RABGGTA: variants seen among roughly 807,000 people sequenced by gnomAD.
RABGGTA encodes geranylgeranyl transferase type-2 subunit alpha.
Under a neutral mutation model 83.3 loss-of-function variants are expected in RABGGTA, and 69 were observed. The observed-to-expected ratio is 0.83, with a 90% CI of 0.68 to 1.01. The LOEUF (loss-of-function observed/expected upper bound fraction) is 1.01. Ranked by LOEUF, RABGGTA falls within the 50% of genes least tolerant of loss-of-function variation. The pLI, the probability that RABGGTA is intolerant of heterozygous loss-of-function variation, is 0.00. For missense variants in RABGGTA, 681 were observed against 712.7 expected (o/e 0.96, Z 0.51); for synonymous variants, 310 against 299.8 (o/e 1.03, Z -0.35).
At position 24,271,173 on chromosome 14, in the gene RABGGTA, A is replaced by C; in HGVS notation, c.-54-4T>G. 1 of 1,497,502 alleles carries C rather than the reference A, an allele frequency of 6.7e-7. No individual in the cohort carries two copies. Among genetic ancestry groups the C allele is most frequent in the Non-Finnish European group, 8.9e-7 (1 of 1,123,082 alleles). 92.8% of individuals were successfully genotyped at this position (1,497,502 alleles called of 1,614,324 possible). A position where few individuals can be genotyped will look rare whatever the true frequency, so the allele number is the denominator to read the frequency against. ...GTCCAGTGGTAGCCCTTGAAGTCTG[A>C]GGAGAGAAGTGTCAATCACGTAGCC... On this transcript the variant is annotated splice_polypyrimidine_tract_variant and splice_region_variant and intron_variant, in intron 1 of 16. Coordinates refer to ENST00000216840, the MANE Select transcript of RABGGTA (RefSeq NM_182836.3).
At position 24,269,714 on chromosome 14, in the gene RABGGTA, G is replaced by A; in HGVS notation, c.428-20C>T. 2 of 1,611,668 alleles carry A rather than the reference G, an allele frequency of 1.2e-6. No homozygotes were observed. The highest frequency in any genetic ancestry group is 1.7e-6 in the Non-Finnish European group (2 of 1,178,110). On this transcript the variant is annotated intron_variant, in intron 5 of 16. Transcript: ENST00000216840. ...AGTGAACTGGAGGGGAGAGGTGACA[G>A]CATATCTTAGAGGCAGGGCAAGAGG... is the stretch of plus-strand genomic sequence containing the variant.
In RABGGTA at chr14:24,268,108, A is replaced by C. The variant is rs749349356; in HGVS notation, c.1147+2T>G. 6.2e-7 allele frequency: 1 copy of C among 1,613,696 alleles called. No individual in the cohort carries two copies. Among genetic ancestry groups the C allele is most frequent in the Non-Finnish European group, 8.5e-7 (1 of 1,179,814 alleles). ...GCAGACTCTCACGGAATGGGGCCTC[A>C]CATTTATTCTCAGGCTCCAGCTCCT... On this transcript the variant is annotated splice_donor_variant, in intron 12 of 16. Transcript: ENST00000216840. LOFTEE classifies it high-confidence loss of function.
In RABGGTA at chr14:24,267,733, C is replaced by T; in HGVS notation, c.1280G>A (p.Ser427Asn). 2 of 1,612,154 alleles carry T rather than the reference C, an allele frequency of 1.2e-6. No individual in the cohort carries two copies. The highest frequency in any genetic ancestry group is 1.1e-5 in the South Asian group (1 of 90,996). Residue 427 changes from serine (S) to asparagine (N), a missense_variant, in exon 14 of 17, where the codon AGC becomes AAC. Ser to Asn is a conservative substitution (Grantham distance 46, BLOSUM62 1). This residue lies in a region of RABGGTA where 421 missense variants were observed against 418.5 expected (regional missense o/e 1.01). Transcript: ENST00000216840. ...CACGCTATTCTCCAGCAAGAACTTG[C>T]TGCGCAGGTCATCCAGATACGTTGC... ...MRATYLDDLRSKFLLENSVLK... is the reference protein window; with the variant it reads ...MRATYLDDLRNKFLLENSVLK...
In RABGGTA at chr14:24,270,860, C is replaced by G; in HGVS notation, c.91G>C (p.Ala31Pro). 6.2e-7 allele frequency: 1 copy of G among 1,613,950 alleles called. No homozygotes were observed. Among genetic ancestry groups the G allele is most frequent in the Non-Finnish European group, 8.5e-7 (1 of 1,179,862 alleles). Residue 31 changes from alanine (A) to proline (P), a missense_variant, in exon 3 of 17, where the codon GCC becomes CCC. Coordinates refer to ENST00000216840, the MANE Select transcript of RABGGTA (RefSeq NM_182836.3). ...ACCTTCTGGAATACGGCCTGGGTGG[C>G]TGACTGGTATAGCTTCAGCTTCTGC... The part of the protein sequence containing the change: ...REQKLKLYQS[A>P]TQAVFQKRQA...
intron 10 of RABGGTA, 26 bp downstream of exon 10, chr14:24,268,487 AG>A (rs1205188610): frequency 1.2e-6 from 2 of 1,613,318 alleles, no homozygotes; most frequent in African/African-American, 2.7e-5. Flanking sequence ...GGCTGCTGCA[AG>A]GGGTGGAGGC....
At chr14:24,270,201 T>G (rs1169656494) in intron 4 of RABGGTA, 61 bp from the exon 5 acceptor site, 13 of 1,557,814 alleles carry the variant, frequency 8.3e-6, no homozygotes, top group Non-Finnish European at 1.1e-5. Flanking sequence ...AGCTCACCCC[T>G]CACTTTCTGC....
In RABGGTA at chr14:24,268,815, C is replaced by A; in HGVS notation, c.810G>T (p.Arg270Ser). The A allele has an allele frequency of 6.4e-7, 1 of 1,567,654 alleles. No homozygotes were observed. Among genetic ancestry groups the A allele is most frequent in the Non-Finnish European group, 8.6e-7 (1 of 1,156,234 alleles). The change falls in exon 9 of 17, where the codon AGG becomes AGT. Residue 270 changes from arginine to serine, a missense_variant. Transcript: ENST00000216840. The part of the protein sequence containing the change: ...SFSRPLLVGS[R>S]MEILLLMVDD... ...CAACCATGAGCAGCAAGATCTCCAT[C>A]CTGGAGCCCACCTGGCACAAAGGAC...
In RABGGTA at chr14:24,271,468, C is replaced by A. The variant is rs962658303; in HGVS notation, c.-55+19G>T. On this transcript the variant is annotated intron_variant, in intron 1 of 16. Transcript: ENST00000216840. ...TCCCACGGCTCCCGGGCACCCCCGC[C>A]CCCCGCGGGCGGACCCACCTGCGCT... 6.0e-5 allele frequency: 13 copies of A among 216,208 alleles called. No individual in the cohort carries two copies. Among genetic ancestry groups the A allele is most frequent in the African/African-American group, 9.1e-5 (4 of 43,750 alleles). The allele number at this position is 216,208 out of a possible 1,614,324, so 13.4% of individuals were successfully genotyped here.
In RABGGTA at chr14:24,270,952, A is replaced by G. The variant is rs1305319183; in HGVS notation, c.4-5T>C. ...CTTCACCTTCAGGCGTCCGTGCTAC[A>G]AGGATGAACGGGTTGGAAGAGTGCA... is the stretch of plus-strand genomic sequence containing the variant. On this transcript the variant is annotated splice_polypyrimidine_tract_variant and splice_region_variant and intron_variant, in intron 2 of 16. Transcript: ENST00000216840. 1 of 1,613,526 alleles carries G rather than the reference A, an allele frequency of 6.2e-7. No individual in the cohort carries two copies. The highest frequency in any genetic ancestry group is 1.1e-5 in the South Asian group (1 of 90,942).
In RABGGTA at chr14:24,265,696, C is replaced by G; in HGVS notation, c.1623G>C (p.Gln541His). 6.2e-7 allele frequency: 1 copy of G among 1,613,134 alleles called. No homozygotes were observed. The highest frequency in any genetic ancestry group is 8.5e-7 in the Non-Finnish European group (1 of 1,179,578). ...SCPRLVLLNL[Q>H]GNPLCQAVGI... The stretch of plus-strand genomic sequence containing the variant: ...CCACCGCTTGGCACAGCGGGTTACC[C>G]TGCAGGTTGAGGAGGACCAGCCTGG... The change falls in exon 17 of 17, where the codon CAG (glutamine) becomes CAC (histidine). Residue 541 changes from glutamine (Q) to histidine (H), a missense_variant. Around this residue, in one of 5 missense-constraint regions of RABGGTA, gnomAD observed 421 missense variants for 418.5 expected, o/e 1.01. Transcript: ENST00000216840.
rs1476248576 is a variant in RABGGTA, at chr14:24,265,768, T to C, written c.1556-5A>G. 1 of 1,602,732 alleles carries C rather than the reference T, an allele frequency of 6.2e-7. No homozygotes were observed. The highest frequency in any genetic ancestry group is 8.5e-7 in the Non-Finnish European group (1 of 1,174,564). On this transcript the variant is annotated splice_region_variant and splice_polypyrimidine_tract_variant and intron_variant, in intron 16 of 16. Transcript: ENST00000216840. ...GCACTGCAGGCTGCTGGAGGCCTTG[T>C]TCAGGAGAGTCAAGGAAAGCTTGGC...
In RABGGTA at chr14:24,270,462, A is replaced by C. The variant is rs181516766; in HGVS notation, c.115-4T>G. Reference sequence around the variant, plus strand: ...CATCCAGCTCACCAGCCTGGCGCTAAGAAGATAGGTGGCAGGGTTAGAGAT... The same window carrying C: ...CATCCAGCTCACCAGCCTGGCGCTACGAAGATAGGTGGCAGGGTTAGAGAT... On this transcript the variant is annotated splice_polypyrimidine_tract_variant and splice_region_variant and intron_variant, in intron 3 of 16. Transcript: ENST00000216840. 76 of 1,614,062 alleles carry C rather than the reference A, an allele frequency of 4.7e-5. No individual in the cohort carries two copies. In the Admixed American group the frequency reaches 5.2e-4, roughly 11 times the overall value.
chr14:24,270,381 G>A lies in RABGGTA; in HGVS notation c.192C>T (p.Thr64=), dbSNP rs2040932414. The A allele has an allele frequency of 1.9e-6, 3 of 1,613,858 alleles. No individual in the cohort carries two copies. Among genetic ancestry groups the A allele is most frequent in the Admixed American group, 1.7e-5 (1 of 59,994 alleles). The part of the protein sequence containing the change: ...QILGANPDFA[T]LWNCRREVLQ... The stretch of plus-strand genomic sequence containing the variant: ...GCACCTCTCGTCGGCAGTTCCAGAG[G>A]GTGGCAAAATCAGGGTTGGCTCCCA... The change falls in exon 4 of 17, where the codon ACC becomes ACT. Residue 64 remains threonine (T), a synonymous_variant. Transcript: ENST00000216840.
At chr14:24,270,272 A>G in intron 4 of RABGGTA, 62 bp downstream of exon 4, 1 of 1,597,222 alleles carries the variant, frequency 6.3e-7, no homozygotes, top group Non-Finnish European at 8.5e-7. Context: ...CTCCACCCCT[A>G]GACCCAGGCA....
At chr14:24,269,434 T>C (rs1566387535) in intron 6 of RABGGTA, 57 bp downstream of exon 6, 22 of 1,509,482 alleles carry the variant, frequency 1.5e-5, no homozygotes, top group Non-Finnish European at 1.8e-5. Flanking sequence ...GGGTCAGGCA[T>C]GGGGGCTGGA....
Position 24,265,719 on chromosome 14 carries a change from T to G in RABGGTA, c.1600A>C (p.Arg534=). The G allele has an allele frequency of 6.2e-7, 1 of 1,612,464 alleles. No homozygotes were observed. The highest frequency in any genetic ancestry group is 8.5e-7 in the Non-Finnish European group (1 of 1,179,396). Residue 534 remains arginine (R), a synonymous_variant, in exon 17 of 17, where the codon AGG becomes CGG. Transcript: ENST00000216840. ...AVLQPLASCP[R]LVLLNLQGNP... ...CCCTGCAGGTTGAGGAGGACCAGCCTGGGGCAGGAGGCAAGAGGCTGGAGC... is the reference window on the plus strand; with the variant it reads ...CCCTGCAGGTTGAGGAGGACCAGCCGGGGGCAGGAGGCAAGAGGCTGGAGC...
In RABGGTA at chr14:24,268,781, G is replaced by C. The variant is rs773808816; in HGVS notation, c.844C>G (p.Pro282Ala). 4.4e-6 allele frequency: 7 copies of C among 1,578,354 alleles called. No individual in the cohort carries two copies. The highest frequency in any genetic ancestry group is 6.0e-6 in the Non-Finnish European group (7 of 1,162,160). ...EILLLMVDDS[P>A]LIVEWRTPDG... The stretch of plus-strand genomic sequence containing the variant: ...GGGGTCCTCCACTCCACAATCAGGG[G>C]AGAATCATCAACCATGAGCAGCAAG... The change falls in exon 9 of 17, where the codon CCC becomes GCC. Residue 282 changes from proline (P) to alanine (A), a missense_variant. Pro to Ala is a conservative substitution (Grantham distance 27). Coordinates refer to ENST00000216840, the MANE Select transcript of RABGGTA (RefSeq NM_182836.3).
intron 16 of RABGGTA, 70 bp downstream of exon 16, chr14:24,266,360 C>G: frequency 7.1e-7 from 1 of 1,416,104 alleles, no homozygotes; most frequent in Non-Finnish European, 1.0e-6. Context: ...ACCCTGCCTG[C>G]TGTCTGTCCC....
chr14:24,265,832 G>C, intron 16 of RABGGTA, 69 bp from the exon 17 acceptor site: 2 of 1,505,072 alleles, frequency 1.3e-6, no homozygotes, highest in African/African-American at 1.4e-5. Context: ...GTACCCTCAA[G>C]AGCTGGGGAC....
Sources: gnomAD v4.1 joint callset for allele counts on GRCh38, gnomAD v4.1.1 for gene constraint, gnomAD v4.1.1 regional missense constraint, MANE v1.5 for transcripts, NCBI Gene and HGNC (gene_info 2026-07-23, HGNC 2026-07-21) for gene names.